Variants in IGSF3 observed in about 807,000 individuals in gnomAD.
IGSF3 encodes the protein glu-Trp-Ile EWI motif-containing protein 3.
A neutral mutation model predicts 114.4 loss-of-function variants in IGSF3; 23 were observed. The observed-to-expected ratio is 0.20, with a 90% CI of 0.14 to 0.28. The LOEUF (loss-of-function observed/expected upper bound fraction) is 0.28, where lower values mean the gene tolerates loss of function less well. IGSF3 is among the 10% of genes least tolerant of loss of function. The pLI is 1.00. For missense variants in IGSF3, 1,172 were observed against 1,591.5 expected, an observed-to-expected ratio of 0.74 and a Z score of 4.48; for synonymous variants, 571 against 645.2, an observed-to-expected ratio of 0.88 and a Z score of 1.74.
chr1:116,641,473 G>C (rs1352946432), intron 2 of IGSF3, among the ~76,000 whole-genome samples: 2 of 120,912 alleles, frequency 1.7e-5, no homozygotes, highest in African/African-American at 6.8e-5. Context: ...TCTAGCATGG[G>C]CAACAGGGCA....
At chr1:116,646,592 CCAGAGGGAGAATCGAGTGAGTTGT>C (rs1648383965) in intron 2 of IGSF3, among the ~76,000 whole-genome samples, 1 of 152,044 alleles carries the variant, frequency 6.6e-6, no homozygotes, top group African/African-American at 2.4e-5. Flanking sequence ...ACTAAGATTG[CCAGAGGGAGAATCGAGTGAGTTGT>C]CAGCGGTGAA....
At position 116,582,688 on chromosome 1, in the gene IGSF3, C is replaced by T. The variant is rs995963413; in HGVS notation, c.2848+1957G>A. 1.3e-5 allele frequency among the ~76,000 whole-genome samples: 2 copies of T among 151,912 alleles called. No homozygotes were observed. Among genetic ancestry groups the T allele is most frequent in the Non-Finnish European group, 2.9e-5 (2 of 68,016 alleles). The stretch of plus-strand genomic sequence containing the variant: ...ATGCTTTCACAGACATGGGAAAACG[C>T]TCATAAAAGAAAGTTGAGTGGGAAA... On this transcript the variant is annotated intron_variant, in intron 9 of 10. Coordinates refer to ENST00000369486, the MANE Select transcript of IGSF3 (RefSeq NM_001007237.3). This position sits in a 1 kb window ranked among gnomAD's most constrained non-coding sequence, Gnocchi z 4.7.
chr1:116,589,137 C>G lies in IGSF3; in HGVS notation c.2030-33G>C. 1 of 1,579,520 alleles carries G rather than the reference C, an allele frequency of 6.3e-7. No homozygotes were observed. Among genetic ancestry groups the G allele is most frequent in the South Asian group, 1.2e-5 (1 of 86,378 alleles). On this transcript the variant is annotated intron_variant, in intron 7 of 10. Transcript: ENST00000369486. The surrounding 1 kb of genome is among the most constrained non-coding windows in gnomAD (Gnocchi z 5.7). The stretch of plus-strand genomic sequence containing the variant: ...GGAAAGGGGAACACAGGAATCACCA[C>G]AGACTCCCAGAAACGTGGCCCATCC...
In IGSF3 at chr1:116,667,635, C is replaced by T. The variant is rs995541600; in HGVS notation, c.-648G>A. On this transcript the variant is annotated 5_prime_UTR_variant, in exon 1 of 11. Transcript: ENST00000369486. ...AGCCTGACCTCGCCCCTGGCCCTCTCCCTCCGCGCGCGTCGGACCGTCCTT... is the reference window on the plus strand; with the variant it reads ...AGCCTGACCTCGCCCCTGGCCCTCTTCCTCCGCGCGCGTCGGACCGTCCTT... 6.6e-6 allele frequency: 1 copy of T among 151,454 alleles called. No individual in the cohort carries two copies. The highest frequency in any genetic ancestry group is 2.4e-5 in the African/African-American group (1 of 41,300). The allele number at this position is 151,454 out of a possible 1,614,324, so 9.4% of individuals were successfully genotyped here. A position where few individuals can be genotyped will look rare whatever the true frequency, so the allele number is the denominator to read the frequency against.
rs370299026 is a variant in IGSF3, at chr1:116,584,798, C to T, written c.2695G>A (p.Gly899Ser). The stretch of plus-strand genomic sequence containing the variant: ...TTCTGGATGAAGAGACGGTACACGC[C>T]GGGGGAAGGACTCTCCAAATGCAGC... ...GRLHLESPSPGVYRLFIQNVA... is the reference protein window; with the variant it reads ...GRLHLESPSPSVYRLFIQNVA... The change falls in exon 9 of 11, where the codon GGC (glycine) becomes AGC (serine). Residue 899 changes from glycine to serine, a missense_variant. Around this residue, in one of 3 missense-constraint regions of IGSF3, gnomAD observed 423 missense variants for 509.8 expected, o/e 0.83. Coordinates refer to ENST00000369486, the MANE Select transcript of IGSF3 (RefSeq NM_001007237.3). This position sits in a 1 kb window ranked among gnomAD's most constrained non-coding sequence, Gnocchi z 5.8. 140 of 1,614,210 alleles carry T rather than the reference C, an allele frequency of 8.7e-5. No individual in the cohort carries two copies. Among genetic ancestry groups the T allele is most frequent in the Non-Finnish European group, 1.1e-4 (124 of 1,180,044 alleles).
rs1480066727 is a variant in IGSF3 at position 116,627,501 on chromosome 1, C to T, written c.44-11044G>A. On this transcript the variant is annotated intron_variant, in intron 2 of 10. Transcript: ENST00000369486. This position sits in a 1 kb window ranked among gnomAD's most constrained non-coding sequence, Gnocchi z 4.7. Reference sequence around the variant, plus strand: ...CCACACTCAGCACTGCCTGCACCTCCTCCTGGAGCTGGCAGGGCCCCAGCA... The same window carrying T: ...CCACACTCAGCACTGCCTGCACCTCTTCCTGGAGCTGGCAGGGCCCCAGCA... 1.3e-5 allele frequency among the ~76,000 whole-genome samples: 2 copies of T among 152,212 alleles called. No individual in the cohort carries two copies. Among genetic ancestry groups the T allele is most frequent in the African/African-American group, 4.8e-5 (2 of 41,454 alleles).
chr1:116,647,192 G>A lies in IGSF3; in HGVS notation c.43+19092C>T, dbSNP rs1405803814. Among the ~76,000 whole-genome samples, 2 of 152,354 alleles carry A rather than the reference G, an allele frequency of 1.3e-5. No individual in the cohort carries two copies. The highest frequency in any genetic ancestry group is 2.1e-4 in the South Asian group (1 of 4,828). On this transcript the variant is annotated intron_variant, in intron 2 of 10. Transcript: ENST00000369486. The surrounding 1 kb of genome is among the most constrained non-coding windows in gnomAD (Gnocchi z 4.6). ...CCAGGCAGCGATGCCCAAATGACCGGCTGAGGAATCACCTCACTGCTGCCG... is the reference window on the plus strand; with the variant it reads ...CCAGGCAGCGATGCCCAAATGACCGACTGAGGAATCACCTCACTGCTGCCG...
chr1:116,641,495 C>CAAAAA (rs57930787), intron 2 of IGSF3, among the ~76,000 whole-genome samples: 43 of 40,664 alleles, frequency 1.1e-3, no homozygotes, highest in African/African-American at 1.8e-3. Flanking sequence ...GACTCTGTCT[C>CAAAAA]AAAAAAAAAA....
chr1:116,577,570 G>C lies in IGSF3; in HGVS notation c.3335-8C>G, dbSNP rs762195785. 1 of 1,613,210 alleles carries C rather than the reference G, an allele frequency of 6.2e-7. No homozygotes were observed. The highest frequency in any genetic ancestry group is 1.7e-5 in the Admixed American group (1 of 60,016). The stretch of plus-strand genomic sequence containing the variant: ...TGGACTGGAGGGTGGGACCTGAAAA[G>C]AATCATGAGAGAGACAAGACAATGA... On this transcript the variant is annotated splice_region_variant and splice_polypyrimidine_tract_variant and intron_variant, in intron 10 of 10. Coordinates refer to ENST00000369486, the MANE Select transcript of IGSF3 (RefSeq NM_001007237.3). This position sits in a 1 kb window ranked among gnomAD's most constrained non-coding sequence, Gnocchi z 5.7.
chr1:116,635,925 T>C (rs544112840), intron 2 of IGSF3, among the ~76,000 whole-genome samples: 22 of 152,350 alleles, frequency 1.4e-4, no homozygotes, highest in African/African-American at 5.3e-4. Context: ...TTGTGTTGTG[T>C]GAGTGCCTTA....
rs1337064728 is a variant in IGSF3 at position 116,661,887 on chromosome 1, T to C, written c.43+4397A>G. ...TGTTAGTGGAAGTGATGTATATAACTTCCAGGAAGTATCCTTACATTAAGA... is the reference window on the plus strand; with the variant it reads ...TGTTAGTGGAAGTGATGTATATAACCTCCAGGAAGTATCCTTACATTAAGA... On this transcript the variant is annotated intron_variant, in intron 2 of 10. Coordinates refer to ENST00000369486, the MANE Select transcript of IGSF3 (RefSeq NM_001007237.3). The surrounding 1 kb of genome is among the most constrained non-coding windows in gnomAD (Gnocchi z 4.0). Among the ~76,000 whole-genome samples, 2 of 152,292 alleles carry C rather than the reference T, an allele frequency of 1.3e-5. No homozygotes were observed. The highest frequency in any genetic ancestry group is 2.1e-4 in the South Asian group (1 of 4,828).
Position 116,594,906 on chromosome 1 carries a change from G to A in IGSF3, c.2029+5035C>T, listed in dbSNP as rs1019387962. 1.1e-4 allele frequency among the ~76,000 whole-genome samples: 15 copies of A among 140,676 alleles called. No homozygotes were observed. Among genetic ancestry groups the A allele is most frequent in the Non-Finnish European group, 4.6e-5 (3 of 64,840 alleles). The allele number at this position is 140,676 out of a possible 152,430, so 92.3% of individuals were successfully genotyped here. On this transcript the variant is annotated intron_variant, in intron 7 of 10. Transcript: ENST00000369486. The surrounding 1 kb of genome is among the most constrained non-coding windows in gnomAD (Gnocchi z 5.2). ...CACCCCTACCCCATTCCCTCCTCAC[G>A]CCCCCTGCCCCCGTTCATGCCCTGT...
At position 116,579,545 on chromosome 1, in the gene IGSF3, C is replaced by A. The variant is rs1054855500; in HGVS notation, c.3181G>T (p.Val1061Leu). The A allele has an allele frequency of 6.2e-7, 1 of 1,614,044 alleles. No individual in the cohort carries two copies. Among genetic ancestry groups the A allele is most frequent in the Non-Finnish European group, 8.5e-7 (1 of 1,180,038 alleles). ...GRLRFQRLSPVLYRLTVLQAS... is the reference protein window; with the variant it reads ...GRLRFQRLSPLLYRLTVLQAS... ...TGCAGCACTGTGAGCCGGTAGAGCA[C>A]CGGGGAGAGCCTCTGGAAGCGAAGC... Residue 1061 changes from valine to leucine, a missense_variant, in exon 10 of 11, where the codon GTG (valine) becomes TTG (leucine). Physicochemically the swap from Val to Leu is conservative, Grantham distance 32. Coordinates refer to ENST00000369486, the MANE Select transcript of IGSF3 (RefSeq NM_001007237.3). This position sits in a 1 kb window ranked among gnomAD's most constrained non-coding sequence, Gnocchi z 6.4.
rs528930861 is a variant in IGSF3, at chr1:116,616,669, TG to T, written c.44-213del. ...TCCCTAATTTGCATATATGGGAATT[TG>T]ATCATGCCAAGATGTGCTTTTGTTA... On this transcript the variant is annotated intron_variant, in intron 2 of 10. Transcript: ENST00000369486. This position sits in a 1 kb window ranked among gnomAD's most constrained non-coding sequence, Gnocchi z 6.6. Among the ~76,000 whole-genome samples the T allele has an allele frequency of 2.3e-4, 35 of 152,256 alleles. No homozygotes were observed. The highest frequency in any genetic ancestry group is 3.5e-4 in the Non-Finnish European group (24 of 68,042).
rs754715757 is a variant in IGSF3 at position 116,579,281 on chromosome 1, C to T, written c.3334+111G>A. 4.4e-5 allele frequency: 59 copies of T among 1,352,508 alleles called. No homozygotes were observed. Among genetic ancestry groups the T allele is most frequent in the Middle Eastern group, 1.9e-4 (1 of 5,274 alleles). 83.8% of individuals were successfully genotyped at this position (1,352,508 alleles called of 1,614,324 possible). ...ATATCTCAAATCCTACTAATAAATG[C>T]CCATGACAGTTAAGAAAACTGTTTA... is the stretch of plus-strand genomic sequence containing the variant. On this transcript the variant is annotated intron_variant, in intron 10 of 10. Coordinates refer to ENST00000369486, the MANE Select transcript of IGSF3 (RefSeq NM_001007237.3). The surrounding 1 kb of genome is among the most constrained non-coding windows in gnomAD (Gnocchi z 6.4).
chr1:116,608,334 G>A lies in IGSF3; in HGVS notation c.833-3C>T, dbSNP rs767764299. The A allele has an allele frequency of 6.2e-7, 1 of 1,610,742 alleles. No individual in the cohort carries two copies. The highest frequency in any genetic ancestry group is 1.1e-5 in the South Asian group (1 of 90,872). On this transcript the variant is annotated splice_polypyrimidine_tract_variant and splice_region_variant and intron_variant, in intron 4 of 10. Coordinates refer to ENST00000369486, the MANE Select transcript of IGSF3 (RefSeq NM_001007237.3). ...CAGCCGAACAGTGAATTCTTTGTCTGAGAGAACAAGTAAGAAAAGAGACAC... is the reference window on the plus strand; with the variant it reads ...CAGCCGAACAGTGAATTCTTTGTCTAAGAGAACAAGTAAGAAAAGAGACAC...
In IGSF3 at chr1:116,624,017, G is replaced by A. The variant is rs997381070; in HGVS notation, c.44-7560C>T. Reference sequence around the variant, plus strand: ...CAGGAGAATCGCTTGAACCCAGCAGGTGGAGGTTGCAGTGAGCCGAGATCA... The same window carrying A: ...CAGGAGAATCGCTTGAACCCAGCAGATGGAGGTTGCAGTGAGCCGAGATCA... On this transcript the variant is annotated intron_variant, in intron 2 of 10. Transcript: ENST00000369486. This position sits in a 1 kb window ranked among gnomAD's most constrained non-coding sequence, Gnocchi z 4.9. Among the ~76,000 whole-genome samples the A allele has an allele frequency of 1.1e-4, 17 of 149,338 alleles. No homozygotes were observed. Among genetic ancestry groups the A allele is most frequent in the African/African-American group, 3.5e-4 (14 of 39,654 alleles).
At position 116,592,333 on chromosome 1, in the gene IGSF3, A is replaced by G. The variant is rs1660148392; in HGVS notation, c.2030-3229T>C. On this transcript the variant is annotated intron_variant, in intron 7 of 10. Transcript: ENST00000369486. This position sits in a 1 kb window ranked among gnomAD's most constrained non-coding sequence, Gnocchi z 4.5. ...CCCCAACAGTGAATTGGCAGGAGGA[A>G]GAAAGAATCCAGCAAGAGACAGGAA... is the stretch of plus-strand genomic sequence containing the variant. Among the ~76,000 whole-genome samples, 1 of 152,224 alleles carries G rather than the reference A, an allele frequency of 6.6e-6. No individual in the cohort carries two copies. Among genetic ancestry groups the G allele is most frequent in the African/African-American group, 2.4e-5 (1 of 41,460 alleles).
intron 8 of IGSF3, among the ~76,000 whole-genome samples, chr1:116,587,803 G>A (rs1383760837): frequency 2.6e-5 from 4 of 152,242 alleles, no homozygotes; most frequent in Middle Eastern, 3.4e-3. Context: ...GCGAAGGCAC[G>A]GAGATGAGGC....
Sources: allele counts gnomAD v4.1 joint callset (sites outside exome capture counted in the v4.1 genomes callset), GRCh38; gene constraint gnomAD v4.1.1; regional missense constraint gnomAD v4.1.1; non-coding constraint Gnocchi (gnomAD v3.1); transcripts MANE v1.5; gene names NCBI Gene and HGNC (gene_info 2026-07-23, HGNC 2026-07-21).